Variants in BDNF observed in about 807,000 individuals in gnomAD.
BDNF encodes brain derived neurotrophic factor.
In BDNF, 1 loss-of-function variant was observed where a neutral mutation model predicts 19.5. The ratio of observed to expected loss-of-function variants is 0.05; its 90% confidence interval spans 0.02 to 0.24. BDNF has a LOEUF of 0.24. BDNF is among the 10% of genes least tolerant of loss of function. The pLI is 1.00. For missense variants in BDNF, 195 were observed against 317.6 expected, an observed-to-expected ratio of 0.61 and a Z score of 2.93; for synonymous variants, 100 against 121.6, an observed-to-expected ratio of 0.82 and a Z score of 1.17.
chr11:27,680,874 T>A (rs544348181), intron 1 of BDNF, among the ~76,000 whole-genome samples: 1 of 152,284 alleles, frequency 6.6e-6, no homozygotes, highest in South Asian at 2.1e-4. Flanking sequence ...GGATTTTGAA[T>A]TGGGAACAGA....
chr11:27,657,836 A>C lies in BDNF; in HGVS notation c.729T>G (p.Ile243Met). 6.2e-7 allele frequency: 1 copy of C among 1,613,850 alleles called. No individual in the cohort carries two copies. ...IDTSCVCTLT[I>M]KRGR ...CATAAATCCACTATCTTCCCCTTTT[A>C]ATGGTCAATGTACATACACAAGAAG... Residue 243 changes from isoleucine to methionine, a missense_variant, in exon 2 of 2, where the codon ATT becomes ATG. Physicochemically the swap from Ile to Met is conservative, Grantham distance 10 (BLOSUM62 1). Around this residue, in one of 2 missense-constraint regions of BDNF, gnomAD observed 71 missense variants for 162.6 expected, o/e 0.44. Transcript: ENST00000356660. This position sits in a 1 kb window ranked among gnomAD's most constrained non-coding sequence, Gnocchi z 5.0.
intron 1 of BDNF, among the ~76,000 whole-genome samples, chr11:27,687,577 C>T (rs2133997899): frequency 6.6e-6 from 1 of 152,302 alleles, no homozygotes; most frequent in East Asian, 1.9e-4. Flanking sequence ...TGTTGGCGAC[C>T]TTTGTACGGG....
chr11:27,677,549 G>C (rs1229264115), intron 1 of BDNF: 1 of 151,174 alleles, frequency 6.6e-6, no homozygotes, highest in Non-Finnish European at 1.5e-5. Context: ...AAAAAAACAG[G>C]GTGGGGTGGG....
chr11:27,666,966 G>C (rs1854456850), intron 1 of BDNF, among the ~76,000 whole-genome samples: 1 of 152,132 alleles, frequency 6.6e-6, no homozygotes, highest in Non-Finnish European at 1.5e-5. Context: ...ACACATAATT[G>C]TCAGATTCAC....
chr11:27,667,387 A>G lies in BDNF; in HGVS notation c.-21-8802T>C, dbSNP rs1016087402. On this transcript the variant is annotated intron_variant, in intron 1 of 1. Transcript: ENST00000356660. ...ACGAGCAAAATAACCAGCTAACATC[A>G]TAATGACAGGATCAAATTCACACAT... Among the ~76,000 whole-genome samples the G allele has an allele frequency of 1.2e-3, 179 of 152,232 alleles. 1 individual carries two copies. Among genetic ancestry groups the G allele is most frequent in the Non-Finnish European group, 3.4e-4 (23 of 68,040 alleles).
At position 27,700,314 on chromosome 11, in the gene BDNF, G is replaced by A; in HGVS notation, c.-172C>T. 1 of 985,356 alleles carries A rather than the reference G, an allele frequency of 1.0e-6. No homozygotes were observed. The highest frequency in any genetic ancestry group is 1.2e-6 in the Non-Finnish European group (1 of 829,984). The allele number at this position is 985,356 out of a possible 1,614,324, so 61.0% of individuals were successfully genotyped here. A position where few individuals can be genotyped will look rare whatever the true frequency, so the allele number is the denominator to read the frequency against. On this transcript the variant is annotated 5_prime_UTR_variant, in exon 1 of 2. Coordinates refer to ENST00000356660, the MANE Select transcript of BDNF (RefSeq NM_001709.5). Reference sequence around the variant, plus strand: ...TGGGTGTCTCATTAAAGCCCCCCGAGCAGGAGGTGGAGGGGCGCACCGGGC... The same window carrying A: ...TGGGTGTCTCATTAAAGCCCCCCGAACAGGAGGTGGAGGGGCGCACCGGGC...
intron 1 of BDNF, among the ~76,000 whole-genome samples, chr11:27,684,132 G>A (rs1477304392): frequency 6.6e-6 from 1 of 152,126 alleles, no homozygotes; most frequent in East Asian, 1.9e-4. Context: ...TCCCTTGTAA[G>A]TTGTATTCCT....
chr11:27,700,920 G>A, upstream of BDNF: 1 of 1,333,306 alleles, frequency 7.5e-7, no homozygotes, highest in South Asian at 1.2e-5. Context: ...CCCCATCCCA[G>A]CACCCAAGTT....
At chr11:27,694,443 T>G (rs1266805405) in intron 1 of BDNF, among the ~76,000 whole-genome samples, 1 of 152,210 alleles carries the variant, frequency 6.6e-6, no homozygotes, top group Non-Finnish European at 1.5e-5. Flanking sequence ...AATCTATTAG[T>G]GCATTCAGCA....
rs114813081 is a variant in BDNF at position 27,660,648 on chromosome 11, A to T, written c.-21-2063T>A. ...ATCACACTGGTAGAGACTTTCTGTG[A>T]TCAGCTATTTTTTAATACCATATTT... On this transcript the variant is annotated intron_variant, in intron 1 of 1. Transcript: ENST00000356660. 2.6e-5 allele frequency among the ~76,000 whole-genome samples: 4 copies of T among 152,122 alleles called. No individual in the cohort carries two copies. In the East Asian group the frequency reaches 7.7e-4, roughly 29 times the overall value.
At chr11:27,720,382 C>G in intron 1 of BDNF, 4 of 985,894 alleles carry the variant, frequency 4.1e-6, no homozygotes, top group Non-Finnish European at 4.8e-6. Flanking sequence ...TGGCTAGATC[C>G]TGGAGATAAA....
At chr11:27,721,801 C>T (rs1590515853) in exon 1 of BDNF, 1 of 265,256 alleles carries the variant, frequency 3.8e-6, no homozygotes, top group Non-Finnish European at 7.2e-6. Context: ...TCTAACCGCC[C>T]GTTACTGGGT....
chr11:27,712,802 G>A (rs12292980), intron 1 of BDNF, among the ~76,000 whole-genome samples: 51,242 of 150,568 alleles, frequency 0.34, 9,319 homozygotes, highest in African/African-American at 0.47. Context: ...GGTGTGAGCC[G>A]TCGCGCCTGG....
intron 1 of BDNF, among the ~76,000 whole-genome samples, chr11:27,683,590 TAAGG>T (rs2133973254): frequency 6.6e-6 from 1 of 152,330 alleles, no homozygotes; most frequent in African/African-American, 2.4e-5. Context: ...GTATAACGTG[TAAGG>T]AAGGGGTCCA....
chr11:27,718,671 T>C (rs1402035865), intron 1 of BDNF, among the ~76,000 whole-genome samples: 1 of 146,744 alleles, frequency 6.8e-6, no homozygotes, highest in African/African-American at 2.5e-5. Flanking sequence ...CCGTAAACCC[T>C]GCCCTACGCT....
intron 1 of BDNF, among the ~76,000 whole-genome samples, chr11:27,659,941 A>G (rs1404311689): frequency 6.6e-6 from 1 of 152,242 alleles, no homozygotes; most frequent in Non-Finnish European, 1.5e-5. Flanking sequence ...CAGGTGGTGA[A>G]GGACTTCAGA....
chr11:27,714,667 C>T (rs1046280268), intron 1 of BDNF, among the ~76,000 whole-genome samples: 1 of 151,970 alleles, frequency 6.6e-6, no homozygotes, highest in Non-Finnish European at 1.5e-5. Flanking sequence ...TTGCGGTACC[C>T]ACCCAGAATT....
intron 1 of BDNF, among the ~76,000 whole-genome samples, chr11:27,691,620 A>G (rs1170227320): frequency 6.6e-6 from 1 of 152,202 alleles, no homozygotes; most frequent in Non-Finnish European, 1.5e-5. Flanking sequence ...AGAGATCACA[A>G]AGAATAAGTA....
chr11:27,686,857 C>T (rs1312132714), intron 1 of BDNF, among the ~76,000 whole-genome samples: 1 of 152,088 alleles, frequency 6.6e-6, no homozygotes, highest in Non-Finnish European at 1.5e-5. Flanking sequence ...GCATTTCAAC[C>T]TTGGTGAATC....
Sources: gnomAD v4.1 joint callset for allele counts (sites outside exome capture counted in the v4.1 genomes callset) on GRCh38, gnomAD v4.1.1 for gene constraint, gnomAD v4.1.1 regional missense constraint, Gnocchi (gnomAD v3.1) non-coding constraint, MANE v1.5 for transcripts, NCBI Gene and HGNC (gene_info 2026-07-23, HGNC 2026-07-21) for gene names.